Variants in EDIL3 observed in about 807,000 individuals in gnomAD.
EDIL3 encodes the protein EGF like and discoidin domains 3, also known as EGF-like repeat and discoidin I-like domain-containing protein 3.
EDIL3 carries 37 observed loss-of-function variants against 67.4 expected under a neutral mutation model. The ratio of observed to expected loss-of-function variants is 0.55; its 90% CI spans 0.42 to 0.72. The LOEUF (loss-of-function observed/expected upper bound fraction) is 0.72, where lower values mean the gene tolerates loss of function less well. Ranked by LOEUF, EDIL3 falls within the 30% of genes least tolerant of loss-of-function variation. The pLI is 0.00. For synonymous variants in EDIL3, 195 were observed against 196.3 expected (o/e 0.99, Z 0.05); for missense variants, 527 against 586.3 (o/e 0.90, Z 1.04).
Position 84,192,379 on chromosome 5 carries a change from C to A in EDIL3, c.227-11858G>T, listed in dbSNP as rs575754330. Among the ~76,000 whole-genome samples the A allele has an allele frequency of 3.9e-5, 6 of 152,040 alleles. No individual in the cohort carries two copies. In the South Asian group the frequency reaches 1.2e-3, roughly 31 times the overall value. On this transcript the variant is annotated intron_variant, in intron 3 of 10. Coordinates refer to ENST00000296591, the MANE Select transcript of EDIL3 (RefSeq NM_005711.5). The stretch of plus-strand genomic sequence containing the variant: ...TACCTCCCCTGTTCATGATAATGAA[C>A]CAATATGCTTCACTTGGTTAATTTA...
intron 4 of EDIL3, among the ~76,000 whole-genome samples, chr5:84,174,822 T>C (rs569850883): frequency 1.3e-5 from 2 of 152,250 alleles, no homozygotes; most frequent in Admixed American, 1.3e-4. Flanking sequence ...TTGTTATTTG[T>C]TTTTTGTTGT....
intron 9 of EDIL3, among the ~76,000 whole-genome samples, chr5:84,015,462 T>C (rs1379791549): frequency 2.0e-5 from 3 of 152,134 alleles, no homozygotes; most frequent in Admixed American, 6.6e-5. Flanking sequence ...TTTTCAAAGA[T>C]TGCAAATAAA....
chr5:83,957,043 T>TG (rs1744528356), intron 10 of EDIL3, among the ~76,000 whole-genome samples: 1 of 151,764 alleles, frequency 6.6e-6, no homozygotes, highest in Admixed American at 6.6e-5. Flanking sequence ...ACACTTCACT[T>TG]GCTATTACTG....
At chr5:84,352,964 G>A (rs1324711937) in intron 1 of EDIL3, among the ~76,000 whole-genome samples, 2 of 152,106 alleles carry the variant, frequency 1.3e-5, no homozygotes, top group Non-Finnish European at 2.9e-5. Flanking sequence ...ATTGGGGCAG[G>A]AACAGCAGGT....
intron 5 of EDIL3, among the ~76,000 whole-genome samples, chr5:84,122,399 A>G (rs1747792233): frequency 6.6e-6 from 1 of 151,990 alleles, no homozygotes; most frequent in Non-Finnish European, 1.5e-5. Flanking sequence ...TCTAGGGTAC[A>G]TGTGCACAAC....
At chr5:84,083,111 G>A (rs955631971) in intron 6 of EDIL3, among the ~76,000 whole-genome samples, 6 of 152,194 alleles carry the variant, frequency 3.9e-5, no homozygotes, top group Admixed American at 1.3e-4. Context: ...TGGGTACTAC[G>A]TTTAAATATT....
intron 1 of EDIL3, among the ~76,000 whole-genome samples, chr5:84,293,559 C>T (rs1723572902): frequency 2.0e-5 from 3 of 151,916 alleles, no homozygotes; most frequent in South Asian, 4.1e-4. Flanking sequence ...AAGTTCCATC[C>T]GCATGTGTCC....
intron 1 of EDIL3, among the ~76,000 whole-genome samples, chr5:84,368,370 G>A (rs1747781592): frequency 6.6e-6 from 1 of 152,174 alleles, no homozygotes; most frequent in African/African-American, 2.4e-5. Flanking sequence ...GATATGGATT[G>A]TCAATGGGGA....
intron 2 of EDIL3, 135 bp downstream of exon 2, chr5:84,253,949 A>C: frequency 1.3e-6 from 1 of 787,532 alleles, no homozygotes; most frequent in Non-Finnish European, 1.8e-6. Context: ...ACAACTGAGA[A>C]TCCTACACAA....
intron 1 of EDIL3, among the ~76,000 whole-genome samples, chr5:84,344,989 G>T (rs377752116): frequency 5.3e-5 from 8 of 152,048 alleles, no homozygotes; most frequent in African/African-American, 1.9e-4. Context: ...TCTTGTAATT[G>T]CTTACAAAGC....
intron 4 of EDIL3, among the ~76,000 whole-genome samples, chr5:84,178,455 C>T (rs1424299689): frequency 6.6e-6 from 1 of 152,148 alleles, no homozygotes; most frequent in African/African-American, 2.4e-5. Flanking sequence ...GAAGAAGCTT[C>T]CAGGGCCCCT....
intron 1 of EDIL3, among the ~76,000 whole-genome samples, chr5:84,264,125 A>G (rs1745296439): frequency 1.3e-5 from 2 of 152,134 alleles, no homozygotes; most frequent in Admixed American, 6.5e-5. Context: ...GTGCATCTGT[A>G]GTCCCAGCTA....
chr5:84,149,408 G>C (rs1484776602), intron 4 of EDIL3, among the ~76,000 whole-genome samples: 1 of 152,122 alleles, frequency 6.6e-6, no homozygotes, highest in Non-Finnish European at 1.5e-5. Flanking sequence ...TGTTTCATGG[G>C]GCATTGGGCA....
intron 4 of EDIL3, among the ~76,000 whole-genome samples, chr5:84,147,785 T>C (rs1483072231): frequency 6.6e-6 from 1 of 151,838 alleles, no homozygotes; most frequent in Non-Finnish European, 1.5e-5. Context: ...GTAAGTAATG[T>C]TACATTTCAA....
At chr5:84,343,569 A>G (rs139597648) in intron 1 of EDIL3, among the ~76,000 whole-genome samples, 107 of 152,256 alleles carry the variant, frequency 7.0e-4, no homozygotes, top group African/African-American at 2.5e-3. Flanking sequence ...CTGAGAATTA[A>G]TGAGTGATAT....
intron 9 of EDIL3, chr5:84,047,513 T>A (rs1441099157): frequency 6.6e-6 from 1 of 152,126 alleles, no homozygotes; most frequent in Non-Finnish European, 1.5e-5. Flanking sequence ...TATATCTGTA[T>A]CAATAATTGT....
At chr5:83,987,379 A>G (rs889190428) in intron 9 of EDIL3, among the ~76,000 whole-genome samples, 1 of 152,176 alleles carries the variant, frequency 6.6e-6, no homozygotes, top group African/African-American at 2.4e-5. Flanking sequence ...TTCATATGGT[A>G]TAATGTAAAT....
chr5:84,357,300 CA>C (rs1747507089), intron 1 of EDIL3, among the ~76,000 whole-genome samples: 1 of 151,964 alleles, frequency 6.6e-6, no homozygotes. Flanking sequence ...ATTTGTATAC[CA>C]TTGTACTACC....
intron 4 of EDIL3, among the ~76,000 whole-genome samples, chr5:84,160,518 T>C (rs1748583977): frequency 6.6e-6 from 1 of 152,256 alleles, no homozygotes; most frequent in Non-Finnish European, 1.5e-5. Flanking sequence ...CATTAAAACA[T>C]GAATTTTGTG....
Sources: allele counts gnomAD v4.1 joint callset (sites outside exome capture counted in the v4.1 genomes callset), GRCh38; gene constraint gnomAD v4.1.1; transcripts MANE v1.5; gene names NCBI Gene and HGNC (gene_info 2026-07-23, HGNC 2026-07-21).